Variants in CDK19 observed in about 807,000 individuals in gnomAD.
CDK19 encodes cyclin-dependent kinase 19.
CDK19 carries 20 observed loss-of-function variants against 68.3 expected under a neutral mutation model. That is an observed-to-expected ratio of 0.29 (90% CI 0.21 to 0.43). The LOEUF is 0.43. CDK19 is among the 20% of genes least tolerant of loss of function. The pLI, the probability that CDK19 is intolerant of heterozygous loss-of-function variation, is 1.00. For synonymous variants in CDK19, 221 were observed against 222.8 expected, an observed-to-expected ratio of 0.99 and a Z score of 0.07; for missense variants, 339 against 623.5, an observed-to-expected ratio of 0.54 and a Z score of 4.86.
chr6:110,815,337 T>TTCC lies in CDK19; in HGVS notation c.-204_-202dup, dbSNP rs1458314148. On this transcript the variant is annotated 5_prime_UTR_variant, in exon 1 of 13. Transcript: ENST00000368911. ...CCACAGCAGCCACCTCCTCCACCTCTTCCTCCTCCTCCTCCGCGACGGCGG... is the reference window on the plus strand; with the variant it reads ...CCACAGCAGCCACCTCCTCCACCTCTTCCTCCTCCTCCTCCTCCGCGACGGCGG... 24 of 373,676 alleles carry TTCC rather than the reference T, an allele frequency of 6.4e-5. No homozygotes were observed. Among genetic ancestry groups the TTCC allele is most frequent in the African/African-American group, 1.5e-4 (7 of 46,160 alleles). The allele number at this position is 373,676 out of a possible 1,614,324, so 23.1% of individuals were successfully genotyped here.
intron 2 of CDK19, among the ~76,000 whole-genome samples, chr6:110,678,021 A>AT (rs1157700346): frequency 1.3e-5 from 2 of 151,550 alleles, no homozygotes; most frequent in Admixed American, 6.6e-5. Context: ...TGATTTTTTT[A>AT]TTTTTTTGTA....
chr6:110,701,373 T>C (rs1234474550), intron 2 of CDK19, among the ~76,000 whole-genome samples: 11 of 144,418 alleles, frequency 7.6e-5, no homozygotes, highest in Non-Finnish European at 1.7e-4. Flanking sequence ...AAACCCCATC[T>C]CTACTAAAAA....
At chr6:110,781,848 A>G (rs3014318) in intron 1 of CDK19, among the ~76,000 whole-genome samples, 5,348 of 152,034 alleles carry the variant, frequency 0.035, 307 homozygotes, top group African/African-American at 0.12. Flanking sequence ...ATGAAAAAAA[A>G]AAAAAAAACC....
At chr6:110,764,263 C>T (rs898024530) in intron 1 of CDK19, among the ~76,000 whole-genome samples, 2 of 152,220 alleles carry the variant, frequency 1.3e-5, no homozygotes, top group Admixed American at 1.3e-4. Flanking sequence ...GATTCTAAAG[C>T]TCATGGGGAA....
At chr6:110,776,355 G>A (rs1293476573) in intron 1 of CDK19, among the ~76,000 whole-genome samples, 1 of 152,060 alleles carries the variant, frequency 6.6e-6, no homozygotes, top group African/African-American at 2.4e-5. Context: ...CTTGAACCTG[G>A]GAGGTGGAGG....
intron 4 of CDK19, among the ~76,000 whole-genome samples, chr6:110,651,529 T>C (rs566895210): frequency 7.9e-5 from 12 of 152,184 alleles, no homozygotes; most frequent in Admixed American, 2.6e-4. Flanking sequence ...GCTCAGGAGT[T>C]TGAAACCAGG....
chr6:110,699,420 G>C lies in CDK19; in HGVS notation c.205-28879C>G, dbSNP rs183445771. 9.1e-4 allele frequency among the ~76,000 whole-genome samples: 112 copies of C among 122,980 alleles called. 2 individuals carry two copies. The Admixed American group carries it at 9.5e-3, about 10-fold the overall frequency. 80.7% of individuals were successfully genotyped at this position (122,980 alleles called of 152,430 possible). On this transcript the variant is annotated intron_variant, in intron 2 of 12. Coordinates refer to ENST00000368911, the MANE Select transcript of CDK19 (RefSeq NM_015076.5). ...AGCTCGGGCAAGAGAGTAAGACTTC[G>C]TCTCAAAAAAAAAAAAAAAAAGCAT... is the stretch of plus-strand genomic sequence containing the variant.
intron 2 of CDK19, among the ~76,000 whole-genome samples, chr6:110,694,784 G>A (rs578095624): frequency 2.6e-5 from 4 of 152,230 alleles, no homozygotes; most frequent in Admixed American, 6.5e-5. Flanking sequence ...TAAGGAAATC[G>A]AAATTATATC....
intron 1 of CDK19, among the ~76,000 whole-genome samples, chr6:110,770,620 T>G (rs1010745441): frequency 3.3e-5 from 5 of 152,124 alleles, no homozygotes; most frequent in African/African-American, 1.2e-4. Flanking sequence ...CCTCCAAATC[T>G]CATGTCCTCA....
intron 1 of CDK19, among the ~76,000 whole-genome samples, chr6:110,786,124 AGAG>A (rs769327367): frequency 1.1e-4 from 16 of 152,176 alleles, no homozygotes; most frequent in Non-Finnish European, 1.8e-4. Context: ...GTATCATAGA[AGAG>A]GAGATGTTGT....
chr6:110,713,692 A>G (rs942799949), intron 2 of CDK19, among the ~76,000 whole-genome samples: 1 of 152,016 alleles, frequency 6.6e-6, no homozygotes, highest in Admixed American at 6.6e-5. Flanking sequence ...AATTCCCTTT[A>G]GTTTTAAATT....
intron 1 of CDK19, among the ~76,000 whole-genome samples, chr6:110,781,730 C>G (rs921589417): frequency 6.6e-6 from 1 of 151,792 alleles, no homozygotes; most frequent in Non-Finnish European, 1.5e-5. Context: ...GGTAGTCCCA[C>G]CTACTCAGGA....
chr6:110,732,760 C>A (rs920034122), intron 2 of CDK19, among the ~76,000 whole-genome samples: 2 of 152,100 alleles, frequency 1.3e-5, no homozygotes, highest in African/African-American at 4.8e-5. Context: ...TGTGTAACCA[C>A]CAACCAAGAT....
intron 2 of CDK19, among the ~76,000 whole-genome samples, chr6:110,683,422 A>C (rs1351921722): frequency 6.6e-6 from 1 of 152,162 alleles, no homozygotes; most frequent in Non-Finnish European, 1.5e-5. Context: ...AGAGATACTT[A>C]GAGAGTGAGG....
chr6:110,664,070 C>CA (rs1201543786), intron 4 of CDK19, among the ~76,000 whole-genome samples: 1 of 152,076 alleles, frequency 6.6e-6, no homozygotes, highest in African/African-American at 2.4e-5. Flanking sequence ...AAAAAGACCC[C>CA]AAAAACTCTC....
intron 1 of CDK19, among the ~76,000 whole-genome samples, chr6:110,798,998 A>G (rs920406075): frequency 6.6e-6 from 1 of 151,450 alleles, no homozygotes; most frequent in African/African-American, 2.4e-5. Context: ...ACAAAAATCA[A>G]CCAGGCGTGG....
chr6:110,790,564 A>C (rs759567695), intron 1 of CDK19, among the ~76,000 whole-genome samples: 9 of 152,042 alleles, frequency 5.9e-5, no homozygotes, highest in Non-Finnish European at 1.2e-4. Context: ...TAAAAAATAA[A>C]TTATATAGGT....
chr6:110,622,533 G>A (rs188864115), intron 10 of CDK19, among the ~76,000 whole-genome samples: 2 of 152,324 alleles, frequency 1.3e-5, no homozygotes, highest in Admixed American at 1.3e-4. Flanking sequence ...TGGTTTGGCT[G>A]AATTTCTGAT....
At chr6:110,795,031 G>C (rs1005545342) in intron 1 of CDK19, among the ~76,000 whole-genome samples, 1 of 152,154 alleles carries the variant, frequency 6.6e-6, no homozygotes, top group African/African-American at 2.4e-5. Context: ...GTGCAGTGGT[G>C]CGATCACAGC....
Sources: allele counts gnomAD v4.1 joint callset (sites outside exome capture counted in the v4.1 genomes callset), GRCh38; gene constraint gnomAD v4.1.1; transcripts MANE v1.5; gene names NCBI Gene and HGNC (gene_info 2026-07-23, HGNC 2026-07-21).